Variants in TBC1D9 observed in about 807,000 individuals in gnomAD.
TBC1D9 encodes TBC1 domain family member 9.
TBC1D9 carries 63 observed loss-of-function variants against 132.0 expected under a neutral mutation model. The observed-to-expected ratio is 0.48, with a 90% CI of 0.39 to 0.59. The LOEUF (loss-of-function observed/expected upper bound fraction) is 0.59. Among genes scored for constraint, TBC1D9 ranks in the 20% least tolerant of loss-of-function variants. TBC1D9 has a pLI of 0.00. For synonymous variants in TBC1D9, 610 were observed against 609.9 expected, an observed-to-expected ratio of 1.00 and a Z score of 0.00; for missense variants, 1,261 against 1,592.7, an observed-to-expected ratio of 0.79 and a Z score of 3.54.
intron 13 of TBC1D9, chr4:140,643,840 T>G: frequency 1.4e-6 from 1 of 711,944 alleles, no homozygotes; most frequent in Non-Finnish European, 2.5e-6. Context: ...GGGCCACCTC[T>G]GCATCCGCCT....
chr4:140,629,042 A>G (rs1736754034), intron 16 of TBC1D9, among the ~76,000 whole-genome samples: 1 of 152,212 alleles, frequency 6.6e-6, no homozygotes, highest in Non-Finnish European at 1.5e-5. Flanking sequence ...TTGGAAAAAG[A>G]AGAAAAATAG....
At position 140,705,953 on chromosome 4, in the gene TBC1D9, T is replaced by C. The variant is rs113116892; in HGVS notation, c.131-4339A>G. On this transcript the variant is annotated intron_variant, in intron 1 of 20. Coordinates refer to ENST00000442267, the MANE Select transcript of TBC1D9 (RefSeq NM_015130.3). ...ACAGTGGCATCTTATAATGTAAAAG[T>C]GCTGTTTTCAAGGAGATTCAGAAAA... Among the ~76,000 whole-genome samples the C allele has an allele frequency of 2.4e-3, 361 of 152,306 alleles. 3 individuals are homozygous for C. Among genetic ancestry groups the C allele is most frequent in the African/African-American group, 7.5e-3 (313 of 41,572 alleles).
intron 16 of TBC1D9, among the ~76,000 whole-genome samples, chr4:140,632,926 C>T (rs188216723): frequency 2.0e-5 from 3 of 152,202 alleles, no homozygotes; most frequent in East Asian, 3.8e-4. Context: ...AGTATCACAA[C>T]AGTATCTGCA....
intron 13 of TBC1D9, among the ~76,000 whole-genome samples, chr4:140,640,551 C>T (rs1166650214): frequency 6.6e-6 from 1 of 152,002 alleles, no homozygotes; most frequent in Non-Finnish European, 1.5e-5. Flanking sequence ...CCTTGGGAGA[C>T]ATGAGGCCGT....
Position 140,689,159 on chromosome 4 carries a change from T to C in TBC1D9, c.242-2697A>G, listed in dbSNP as rs115144093. 2.8e-3 allele frequency among the ~76,000 whole-genome samples: 427 copies of C among 152,286 alleles called. 2 individuals carry two copies. Among genetic ancestry groups the C allele is most frequent in the African/African-American group, 9.8e-3 (409 of 41,582 alleles). On this transcript the variant is annotated intron_variant, in intron 2 of 20. Coordinates refer to ENST00000442267, the MANE Select transcript of TBC1D9 (RefSeq NM_015130.3). The stretch of plus-strand genomic sequence containing the variant: ...TGCCTCTCATCTGTCCCTGCCTACA[T>C]TGATCACAGATATGCCTTGTAGAGT...
Position 140,686,329 on chromosome 4 carries a change from C to A in TBC1D9, c.360+15G>T. On this transcript the variant is annotated intron_variant, in intron 3 of 20. Coordinates refer to ENST00000442267, the MANE Select transcript of TBC1D9 (RefSeq NM_015130.3). ...AATTATTTCCAATTAAAATGTTTTT[C>A]TTTTATCCCACTACCTGTATTTTTC... 1 of 1,343,872 alleles carries A rather than the reference C, an allele frequency of 7.4e-7. No individual in the cohort carries two copies. The highest frequency in any genetic ancestry group is 1.0e-6 in the Non-Finnish European group (1 of 955,380). The allele number at this position is 1,343,872 out of a possible 1,614,324, so 83.2% of individuals were successfully genotyped here.
intron 1 of TBC1D9, among the ~76,000 whole-genome samples, chr4:140,754,416 C>G (rs556335028): frequency 9.9e-5 from 15 of 151,964 alleles, no homozygotes; most frequent in Admixed American, 9.2e-4. Context: ...GAGTTCAAGA[C>G]CAGCCTGGCC....
intron 13 of TBC1D9, chr4:140,642,076 G>T: frequency 1.4e-6 from 1 of 701,796 alleles, no homozygotes. Flanking sequence ...AGTCCGGGAG[G>T]GGGCGGAGGA....
chr4:140,643,209 C>T (rs1300550591), intron 13 of TBC1D9: 5 of 1,382,412 alleles, frequency 3.6e-6, no homozygotes, highest in Admixed American at 4.0e-5. Context: ...CACCAGGGCC[C>T]GCTCCGCACC....
chr4:140,691,667 G>A (rs1737879995), intron 2 of TBC1D9, among the ~76,000 whole-genome samples: 1 of 152,220 alleles, frequency 6.6e-6, no homozygotes, highest in African/African-American at 2.4e-5. Flanking sequence ...AAAGCACTCT[G>A]CTGTGGCTAA....
At chr4:140,637,987 G>A (rs192129129) in intron 15 of TBC1D9, among the ~76,000 whole-genome samples, 5 of 152,344 alleles carry the variant, frequency 3.3e-5, no homozygotes, top group Non-Finnish European at 7.3e-5. Flanking sequence ...TAGTACTAGT[G>A]CACTTTACCA....
In TBC1D9 at chr4:140,743,935, T is replaced by G. The variant is rs530654638; in HGVS notation, c.130+11981A>C. On this transcript the variant is annotated intron_variant, in intron 1 of 20. Transcript: ENST00000442267. ...AGGACGCTTGGAGTAAATTTTTTCT[T>G]GCCTAGTTTTTGTGGCCAGTTTACA... Among the ~76,000 whole-genome samples, 25 of 152,310 alleles carry G rather than the reference T, an allele frequency of 1.6e-4. 1 individual carries two copies. The highest frequency in any genetic ancestry group is 5.8e-4 in the African/African-American group (24 of 41,568).
rs1737801705 is a variant in TBC1D9 at position 140,687,359 on chromosome 4, T to TC, written c.242-898_242-897insG. 3.9e-4 allele frequency among the ~76,000 whole-genome samples: 21 copies of TC among 53,910 alleles called. 2 individuals are homozygous for TC. The highest frequency in any genetic ancestry group is 0.018 in the Middle Eastern group (2 of 110). 35.4% of individuals were successfully genotyped at this position (53,910 alleles called of 152,430 possible). On this transcript the variant is annotated intron_variant, in intron 2 of 20. Transcript: ENST00000442267. ...TGTGTGTGTCATATATATATATATATATATATATATATATATATATATATA... is the reference window on the plus strand; with the variant it reads ...TGTGTGTGTCATATATATATATATATCATATATATATATATATATATATATA...
At chr4:140,694,504 G>C (rs1389868264) in intron 2 of TBC1D9, among the ~76,000 whole-genome samples, 1 of 150,344 alleles carries the variant, frequency 6.7e-6, no homozygotes, top group Non-Finnish European at 1.5e-5. Context: ...CTGGGAGTTA[G>C]AGGTTGCAGT....
At position 140,683,329 on chromosome 4, in the gene TBC1D9, A is replaced by G. The variant is rs1198675910; in HGVS notation, c.360+3015T>C. Among the ~76,000 whole-genome samples, 4 of 152,228 alleles carry G rather than the reference A, an allele frequency of 2.6e-5. No homozygotes were observed. The East Asian group carries it at 7.7e-4, about 29-fold the overall frequency. ...TTCAACAGTAAGGCTAATAGTCTCCATAAGGCTAAAATACCAACTTTCTCA... is the reference window on the plus strand; with the variant it reads ...TTCAACAGTAAGGCTAATAGTCTCCGTAAGGCTAAAATACCAACTTTCTCA... On this transcript the variant is annotated intron_variant, in intron 3 of 20. Transcript: ENST00000442267.
In TBC1D9 at chr4:140,622,867, G is replaced by A. The variant is rs751488006; in HGVS notation, c.3129C>T (p.Asp1043=). The change falls in exon 21 of 21, where the codon GAC becomes GAT. Residue 1043 remains aspartate, a synonymous_variant. Coordinates refer to ENST00000442267, the MANE Select transcript of TBC1D9 (RefSeq NM_015130.3). ...CKTMYNMFSE[D]PNEQELYHAT... Reference sequence around the variant, plus strand: ...CGTGGTACAGCTCCTGCTCATTGGGGTCTTCGCTGAACATGTTATACATTG... The same window carrying A: ...CGTGGTACAGCTCCTGCTCATTGGGATCTTCGCTGAACATGTTATACATTG... 11 of 1,587,714 alleles carry A rather than the reference G, an allele frequency of 6.9e-6. No homozygotes were observed. The South Asian group carries it at 1.3e-4, about 18-fold the overall frequency.
chr4:140,643,489 C>T (rs1737044553), intron 13 of TBC1D9: 4 of 880,030 alleles, frequency 4.5e-6, no homozygotes, highest in South Asian at 2.8e-5. Flanking sequence ...GGCACAGGCA[C>T]GGCCTCCCGG....
chr4:140,624,030 T>TG, intron 20 of TBC1D9, 86 bp downstream of exon 20: 1 of 1,076,690 alleles, frequency 9.3e-7, no homozygotes, highest in Non-Finnish European at 1.4e-6. Flanking sequence ...TGATGGGTAT[T>TG]GAGTCTACAT....
intron 13 of TBC1D9, among the ~76,000 whole-genome samples, chr4:140,653,795 TA>T (rs1737222986): frequency 1.3e-5 from 2 of 152,152 alleles, no homozygotes; most frequent in Non-Finnish European, 2.9e-5. Context: ...TAGGCACTGA[TA>T]TAAATTAAAA....
Sources: gnomAD v4.1 joint callset for allele counts (sites outside exome capture counted in the v4.1 genomes callset) on GRCh38, gnomAD v4.1.1 for gene constraint, MANE v1.5 for transcripts, NCBI Gene and HGNC (gene_info 2026-07-23, HGNC 2026-07-21) for gene names.